BRINP2: variants seen among roughly 807,000 people sequenced by gnomAD.
BRINP2 encodes BMP/retinoic acid-inducible neural-specific protein 2.
Under a neutral mutation model 69.2 loss-of-function variants are expected in BRINP2, and 21 were observed. The observed-to-expected ratio is 0.30, with a 90% CI of 0.22 to 0.44. BRINP2 has a LOEUF of 0.44. Ranked by LOEUF, BRINP2 falls within the 20% of genes least tolerant of loss-of-function variation. The probability of loss-of-function intolerance (pLI) is 1.00; values close to 1 mark genes in which losing one functional copy is unlikely to be tolerated. For missense variants in BRINP2, 877 were observed against 986.0 expected, an observed-to-expected ratio of 0.89 and a Z score of 1.48; for synonymous variants, 380 against 394.1, an observed-to-expected ratio of 0.96 and a Z score of 0.42.
chr1:177,218,411 C>T (rs773936555), intron 1 of BRINP2, among the ~76,000 whole-genome samples: 45 of 152,120 alleles, frequency 3.0e-4, no homozygotes, highest in Non-Finnish European at 4.9e-4. Flanking sequence ...TGATTGAGCA[C>T]GACTAGTGGC....
rs932122020 is a variant in BRINP2 at position 177,281,448 on chromosome 1, A to G, written c.2272A>G (p.Arg758Gly). 1.2e-6 allele frequency: 2 copies of G among 1,614,002 alleles called. No individual in the cohort carries two copies. The highest frequency in any genetic ancestry group is 1.7e-6 in the Non-Finnish European group (2 of 1,180,036). ...RLKLANNEVG[R>G]IQSSLRAFNS... Reference sequence around the variant, plus strand: ...TAAGCTGGCCAACAATGAGGTGGGCAGGATCCAGTCCTCCCTGAGGGCTTT... The same window carrying G: ...TAAGCTGGCCAACAATGAGGTGGGCGGGATCCAGTCCTCCCTGAGGGCTTT... Residue 758 changes from arginine to glycine, a missense_variant, in exon 8 of 8, where the codon AGG (arginine) becomes GGG (glycine). Arg to Gly is a moderately radical substitution (Grantham distance 125). This residue lies in a region of BRINP2 where 225 missense variants were observed against 218.7 expected (regional missense o/e 1.03). Coordinates refer to ENST00000361539, the MANE Select transcript of BRINP2 (RefSeq NM_021165.4).
At position 177,171,503 on chromosome 1, in the gene BRINP2, G is replaced by T. The variant is rs770309158; in HGVS notation, c.-306G>T. 1.3e-5 allele frequency: 2 copies of T among 157,828 alleles called. No homozygotes were observed. Among genetic ancestry groups the T allele is most frequent in the Non-Finnish European group, 2.8e-5 (2 of 71,898 alleles). 9.8% of individuals were successfully genotyped at this position (157,828 alleles called of 1,614,324 possible). A position where few individuals can be genotyped will look rare whatever the true frequency, so the allele number is the denominator to read the frequency against. ...GCGGCGGCACCGACAGTAAAGCGGGGAGCAAGAGAATTTGAAAAGAGACAT... is the reference window on the plus strand; with the variant it reads ...GCGGCGGCACCGACAGTAAAGCGGGTAGCAAGAGAATTTGAAAAGAGACAT... On this transcript the variant is annotated 5_prime_UTR_variant, in exon 1 of 8. Transcript: ENST00000361539.
chr1:177,256,234 C>A, intron 3 of BRINP2, 125 bp downstream of exon 3: 1 of 1,420,096 alleles, frequency 7.0e-7, no homozygotes. Flanking sequence ...AGAAGTCTTT[C>A]TGGTGCATTT....
In BRINP2 at chr1:177,280,855, A is replaced by C. The variant is rs767191417; in HGVS notation, c.1679A>C (p.Lys560Thr). ...CTCACCCTGAAGAGCAACAAGTACAAGCCTGGGCTGGTGCACGTGATGTTG... is the reference window on the plus strand; with the variant it reads ...CTCACCCTGAAGAGCAACAAGTACACGCCTGGGCTGGTGCACGTGATGTTG... ...MLLTLKSNKY[K>T]PGLVHVMLAL... Residue 560 changes from lysine (K) to threonine (T), a missense_variant, in exon 8 of 8, where the codon AAG (lysine) becomes ACG (threonine). Physicochemically the swap from Lys to Thr is moderately conservative, Grantham distance 78. Around this residue, in one of 3 missense-constraint regions of BRINP2, gnomAD observed 86 missense variants for 142.1 expected, o/e 0.61. Transcript: ENST00000361539. 2 of 1,614,116 alleles carry C rather than the reference A, an allele frequency of 1.2e-6. No homozygotes were observed. Among genetic ancestry groups the C allele is most frequent in the Non-Finnish European group, 1.7e-6 (2 of 1,179,990 alleles).
At chr1:177,259,925 A>G (rs1317394038) in intron 4 of BRINP2, among the ~76,000 whole-genome samples, 1 of 152,234 alleles carries the variant, frequency 6.6e-6, no homozygotes, top group Non-Finnish European at 1.5e-5. Flanking sequence ...CAAACACAGC[A>G]TCCATTCTGT....
chr1:177,177,786 A>C (rs545362841), intron 1 of BRINP2, among the ~76,000 whole-genome samples: 1 of 152,368 alleles, frequency 6.6e-6, no homozygotes, highest in African/African-American at 2.4e-5. Flanking sequence ...AATGTTAAAT[A>C]AGATAAAATA....
intron 1 of BRINP2, among the ~76,000 whole-genome samples, chr1:177,200,207 G>T (rs377036012): frequency 1.5e-5 from 2 of 136,676 alleles, no homozygotes; most frequent in African/African-American, 5.7e-5. Context: ...CAGGAGAATC[G>T]CTTGAACCCA....
intron 1 of BRINP2, among the ~76,000 whole-genome samples, chr1:177,172,200 A>C (rs1647956227): frequency 6.6e-6 from 1 of 152,240 alleles, no homozygotes; most frequent in African/African-American, 2.4e-5. Flanking sequence ...ATAGAGCCCT[A>C]TGGCATGTTT....
At position 177,281,701 on chromosome 1, in the gene BRINP2, C is replaced by T. The variant is rs944751296; in HGVS notation, c.*173C>T. ...GCAGGCGAGAGAGAAACAGCTACTG[C>T]GTGCGTGCGCGCACGCATACACACA... On this transcript the variant is annotated 3_prime_UTR_variant, in exon 8 of 8. Transcript: ENST00000361539. 11 of 742,580 alleles carry T rather than the reference C, an allele frequency of 1.5e-5. No homozygotes were observed. The highest frequency in any genetic ancestry group is 2.1e-5 in the Non-Finnish European group (10 of 467,448). The allele number at this position is 742,580 out of a possible 1,614,324, so 46.0% of individuals were successfully genotyped here.
chr1:177,279,942 G>T (rs563378761), intron 7 of BRINP2, among the ~76,000 whole-genome samples: 2 of 152,250 alleles, frequency 1.3e-5, no homozygotes, highest in South Asian at 4.2e-4. Flanking sequence ...AAAATTTTAA[G>T]AGAATCAGCC....
intron 4 of BRINP2, among the ~76,000 whole-genome samples, chr1:177,271,810 C>T (rs1651336380): frequency 6.6e-6 from 1 of 152,168 alleles, no homozygotes; most frequent in Non-Finnish European, 1.5e-5. Flanking sequence ...TTCCCTGCCA[C>T]CCCTACTCAT....
intron 2 of BRINP2, among the ~76,000 whole-genome samples, chr1:177,237,654 A>G (rs1183479552): frequency 1.3e-5 from 2 of 152,230 alleles, no homozygotes; most frequent in Non-Finnish European, 2.9e-5. Flanking sequence ...GGGGAAGGGA[A>G]GATCAGTTTT....
At chr1:177,175,483 G>A (rs1648063548) in intron 1 of BRINP2, among the ~76,000 whole-genome samples, 1 of 152,202 alleles carries the variant, frequency 6.6e-6, no homozygotes, top group South Asian at 2.1e-4. Context: ...GAAAGGTCAA[G>A]GCAAAGCGCA....
intron 1 of BRINP2, among the ~76,000 whole-genome samples, chr1:177,199,124 T>A (rs1172269532): frequency 6.6e-6 from 1 of 152,192 alleles, no homozygotes; most frequent in Non-Finnish European, 1.5e-5. Context: ...TATGTAAAGA[T>A]CTTTGACCTA....
intron 4 of BRINP2, among the ~76,000 whole-genome samples, chr1:177,269,711 T>C (rs962249170): frequency 6.6e-5 from 10 of 152,020 alleles, no homozygotes; most frequent in Admixed American, 2.0e-4. Context: ...TCCCCTTAGG[T>C]AGGACAAGAG....
chr1:177,219,741 C>T (rs1013426129), intron 1 of BRINP2, among the ~76,000 whole-genome samples: 4 of 152,228 alleles, frequency 2.6e-5, no homozygotes, highest in Admixed American at 6.5e-5. Context: ...ACATTGAGGG[C>T]TGCAGGTCAT....
At chr1:177,196,699 G>A (rs1044467104) in intron 1 of BRINP2, among the ~76,000 whole-genome samples, 1 of 152,068 alleles carries the variant, frequency 6.6e-6, no homozygotes, top group Non-Finnish European at 1.5e-5. Context: ...CTTTGAGTGT[G>A]CTGTAGTTAC....
intron 1 of BRINP2, 34 bp downstream of exon 1, chr1:177,171,766 C>G (rs1005224438): frequency 2.0e-5 from 3 of 152,202 alleles, no homozygotes; most frequent in Non-Finnish European, 4.4e-5. Flanking sequence ...TTTTTCTCCC[C>G]TTTTCATTGT....
chr1:177,272,198 C>T (rs181787329), intron 4 of BRINP2, among the ~76,000 whole-genome samples: 2 of 152,308 alleles, frequency 1.3e-5, no homozygotes, highest in East Asian at 3.9e-4. Flanking sequence ...CTGCTACTTC[C>T]TCTCTTGTTT....
Sources: gnomAD v4.1 joint callset for allele counts (sites outside exome capture counted in the v4.1 genomes callset) on GRCh38, gnomAD v4.1.1 for gene constraint, gnomAD v4.1.1 regional missense constraint, MANE v1.5 for transcripts, NCBI Gene and HGNC (gene_info 2026-07-23, HGNC 2026-07-21) for gene names.